The following DPP6 variants were observed in gnomAD, a reference collection of about 807,000 sequenced individuals.
The protein encoded by DPP6 is dipeptidyl peptidase like 6, also known as A-type potassium channel modulatory protein DPP6.
DPP6 carries 69 observed loss-of-function variants against 122.6 expected under a neutral mutation model. The ratio of observed to expected loss-of-function variants is 0.56; its 90% CI spans 0.46 to 0.69. The LOEUF (loss-of-function observed/expected upper bound fraction) is 0.69. DPP6 is among the 30% of genes least tolerant of loss of function. The pLI, the probability that DPP6 is intolerant of heterozygous loss-of-function variation, is 0.00. For synonymous variants in DPP6, 418 were observed against 433.1 expected (o/e 0.97, Z 0.43); for missense variants, 928 against 1,116.9 (o/e 0.83, Z 2.41).
chr7:153,965,672 C>G (rs1011799160), intron 1 of DPP6, among the ~76,000 whole-genome samples: 9 of 152,088 alleles, frequency 5.9e-5, no homozygotes, highest in African/African-American at 2.2e-4. Context: ...ACCACCACGC[C>G]TGGCTAATTT....
In DPP6 at chr7:153,900,144, A is replaced by G. The variant is rs115482777; in HGVS notation, c.51+12410A>G. ...TGATCTGCATTAAAATTTAGTTCTA[A>G]GTGTACCCATTCGCAAACTCTTTGT... On this transcript the variant is annotated intron_variant, in intron 1 of 25. Coordinates refer to the DPP6 transcript ENST00000404039. Among the ~76,000 whole-genome samples the G allele has an allele frequency of 2.3e-3, 353 of 152,232 alleles. 1 individual carries two copies. Among genetic ancestry groups the G allele is most frequent in the Middle Eastern group, 6.8e-3 (2 of 294 alleles).
chr7:154,664,655 CTT>C (rs59357287), intron 6 of DPP6, among the ~76,000 whole-genome samples: 24 of 127,190 alleles, frequency 1.9e-4, no homozygotes, highest in East Asian at 4.6e-4. Flanking sequence ...ATATGGAATT[CTT>C]TTTTTTTTTT....
chr7:153,840,060 A>G, the DPP6 span, among the ~76,000 whole-genome samples: 1 of 152,178 alleles, frequency 6.6e-6, no homozygotes, highest in Non-Finnish European at 1.5e-5. Flanking sequence ...AGAGATAGAC[A>G]GTTTTATTGG....
At chr7:154,046,164 G>A (rs1800007807) in intron 1 of DPP6, among the ~76,000 whole-genome samples, 1 of 152,210 alleles carries the variant, frequency 6.6e-6, no homozygotes, top group East Asian at 1.9e-4. Flanking sequence ...TTGTATTGAG[G>A]TCTTCTCCAA....
At chr7:153,823,522 G>A in the DPP6 span, among the ~76,000 whole-genome samples, 2 of 150,468 alleles carry the variant, frequency 1.3e-5, no homozygotes, top group African/African-American at 2.5e-5. Context: ...CTGAAGCTAC[G>A]AGATGGCTGA....
chr7:154,113,950 C>T (rs1806792637), intron 1 of DPP6, among the ~76,000 whole-genome samples: 1 of 152,150 alleles, frequency 6.6e-6, no homozygotes, highest in South Asian at 2.1e-4. Context: ...TTCTATTCAG[C>T]ATAGTAGTGG....
chr7:154,522,362 CG>C (rs1782232966), intron 3 of DPP6, among the ~76,000 whole-genome samples: 1 of 152,100 alleles, frequency 6.6e-6, no homozygotes, highest in Non-Finnish European at 1.5e-5. Flanking sequence ...AAGTTGCCAG[CG>C]TAAGTTGGAA....
chr7:154,221,682 A>G (rs1474897554), intron 1 of DPP6, among the ~76,000 whole-genome samples: 1 of 152,214 alleles, frequency 6.6e-6, no homozygotes, highest in Non-Finnish European at 1.5e-5. Flanking sequence ...TAAAATGGTT[A>G]TAATAATGAC....
At chr7:154,570,586 T>G (rs1831045930) in intron 5 of DPP6, among the ~76,000 whole-genome samples, 1 of 152,234 alleles carries the variant, frequency 6.6e-6, no homozygotes, top group African/African-American at 2.4e-5. Flanking sequence ...CCACAAAATA[T>G]GTAATAAAAG....
intron 12 of DPP6, among the ~76,000 whole-genome samples, chr7:154,797,981 G>T (rs1475527940): frequency 6.6e-6 from 1 of 152,226 alleles, no homozygotes; most frequent in African/African-American, 2.4e-5. Context: ...GCCAGAAAAA[G>T]CGTGGTGGAC....
chr7:154,475,696 A>C (rs1411227249), intron 3 of DPP6: 1 of 152,520 alleles, frequency 6.6e-6, no homozygotes, highest in East Asian at 1.9e-4. Context: ...TTGGGTCTGA[A>C]ATAATTCAAG....
At chr7:154,635,619 G>T (rs530668509) in intron 5 of DPP6, among the ~76,000 whole-genome samples, 138 of 152,280 alleles carry the variant, frequency 9.1e-4, no homozygotes, top group Non-Finnish European at 1.7e-3. Flanking sequence ...ATTTAATCTT[G>T]CAGTCACTGT....
At chr7:154,514,655 T>G (rs1163463861) in intron 3 of DPP6, among the ~76,000 whole-genome samples, 1 of 152,226 alleles carries the variant, frequency 6.6e-6, no homozygotes, top group Non-Finnish European at 1.5e-5. Context: ...CTTTTGTGAC[T>G]GGCTTATTTC....
chr7:154,804,847 G>C, intron 14 of DPP6, 70 bp from the exon 15 acceptor site: 1 of 1,555,446 alleles, frequency 6.4e-7, no homozygotes, highest in Non-Finnish European at 8.7e-7. Flanking sequence ...CATAGAGGTA[G>C]TGCCAGGAAT....
intron 1 of DPP6, among the ~76,000 whole-genome samples, chr7:154,427,475 C>T (rs1235242141): frequency 6.6e-6 from 1 of 152,130 alleles, no homozygotes; most frequent in Non-Finnish European, 1.5e-5. Context: ...TGAAAATAAC[C>T]TTCAACTGTC....
chr7:154,459,805 C>CAAAAAAAAAAAAAAAAAA (rs775605275), intron 2 of DPP6, among the ~76,000 whole-genome samples: 6 of 63,034 alleles, frequency 9.5e-5, no homozygotes, highest in South Asian at 5.0e-4. Flanking sequence ...GATTCCATCT[C>CAAAAAAAAAAAAAAAAAA]AAAAAAAAAA....
At chr7:153,871,047 T>C in the DPP6 span, among the ~76,000 whole-genome samples, 11 of 152,310 alleles carry the variant, frequency 7.2e-5, no homozygotes, top group South Asian at 2.3e-3. Flanking sequence ...GTGTGAGGTG[T>C]CAGTCTGCCC....
At chr7:154,136,147 C>A (rs1795546460) in intron 1 of DPP6, among the ~76,000 whole-genome samples, 1 of 152,104 alleles carries the variant, frequency 6.6e-6, no homozygotes, top group Non-Finnish European at 1.5e-5. Flanking sequence ...TTCCTAAATA[C>A]CACTGGCCTC....
chr7:154,775,660 G>T (rs549888514), intron 10 of DPP6, among the ~76,000 whole-genome samples: 15 of 151,948 alleles, frequency 9.9e-5, no homozygotes, highest in Non-Finnish European at 2.9e-5. Context: ...TGAGTCTGCC[G>T]GGTTACTCAG....
Sources: gnomAD v4.1 joint callset for allele counts (sites outside exome capture counted in the v4.1 genomes callset) on GRCh38, gnomAD v4.1.1 for gene constraint, MANE v1.5 for transcripts, NCBI Gene and HGNC (gene_info 2026-07-23, HGNC 2026-07-21) for gene names.